The following GAS7 variants were observed in gnomAD, a reference collection of about 807,000 sequenced individuals.
GAS7 encodes the protein growth arrest-specific protein 7.
Under a neutral mutation model 71.1 loss-of-function variants are expected in GAS7, and 28 were observed. That is an observed-to-expected ratio of 0.39 (90% CI 0.29 to 0.54). The LOEUF is 0.54. GAS7 is among the 20% of genes least tolerant of loss of function. The probability of loss-of-function intolerance (pLI) is 0.62; values close to 1 mark genes in which losing one functional copy is unlikely to be tolerated. For synonymous variants in GAS7, 258 were observed against 245.8 expected (o/e 1.05, Z -0.46); for missense variants, 436 against 627.8 (o/e 0.69, Z 3.27).
At chr17:9,982,765 G>T (rs1597607927) in intron 2 of GAS7, among the ~76,000 whole-genome samples, 1 of 144,270 alleles carries the variant, frequency 6.9e-6, no homozygotes, top group Admixed American at 7.3e-5. Context: ...GACAGAATGA[G>T]ACTCTGCCTC....
rs995845909 is a variant in GAS7, at chr17:9,959,581, C to T, written c.472-326G>A. ...CGCTGCCCTCTGCTGGTGAACGTTC[C>T]GCGTGCCGCTTGCTGCCTGAAGCCG... On this transcript the variant is annotated intron_variant, in intron 4 of 13. Coordinates refer to ENST00000432992, the MANE Select transcript of GAS7 (RefSeq NM_201433.2). The surrounding 1 kb of genome is among the most constrained non-coding windows in gnomAD (Gnocchi z 5.0). 5 of 668,188 alleles carry T rather than the reference C, an allele frequency of 7.5e-6. No individual in the cohort carries two copies. The highest frequency in any genetic ancestry group is 8.6e-6 in the Non-Finnish European group (4 of 464,748). The allele number at this position is 668,188 out of a possible 1,614,324, so 41.4% of individuals were successfully genotyped here. A position where few individuals can be genotyped will look rare whatever the true frequency, so the allele number is the denominator to read the frequency against.
At chr17:10,079,774 A>G (rs1457833271) in intron 1 of GAS7, among the ~76,000 whole-genome samples, 1 of 152,210 alleles carries the variant, frequency 6.6e-6, no homozygotes, top group Non-Finnish European at 1.5e-5. Flanking sequence ...GGTCATGGTC[A>G]CTCATATTTA....
chr17:9,965,525 A>G (rs1284765764), intron 4 of GAS7, among the ~76,000 whole-genome samples: 1 of 152,106 alleles, frequency 6.6e-6, no homozygotes, highest in Admixed American at 6.5e-5. Context: ...CGTGGGGGAT[A>G]AGAGGAGGGA....
intron 1 of GAS7, among the ~76,000 whole-genome samples, chr17:10,125,371 G>T (rs968824229): frequency 4.6e-5 from 7 of 151,898 alleles, no homozygotes; most frequent in African/African-American, 1.7e-4. Flanking sequence ...CACAAAATTA[G>T]CTGGGTGTGA....
At chr17:9,940,039 C>G (rs1567798749) in intron 8 of GAS7, 87 bp downstream of exon 8, 4 of 834,802 alleles carry the variant, frequency 4.8e-6, no homozygotes, top group Non-Finnish European at 8.5e-6. Context: ...AAAGTGGGGC[C>G]ATGCCAGTGA....
chr17:10,047,235 A>G (rs1366538180), intron 1 of GAS7, among the ~76,000 whole-genome samples: 1 of 152,232 alleles, frequency 6.6e-6, no homozygotes, highest in Non-Finnish European at 1.5e-5. Context: ...CCCTGGCTGC[A>G]GGGCATTGAG....
In GAS7 at chr17:9,979,876, A is replaced by C. The variant is rs918666522; in HGVS notation, c.385+1928T>G. Among the ~76,000 whole-genome samples the C allele has an allele frequency of 5.9e-5, 9 of 151,632 alleles. No homozygotes were observed. In the South Asian group the frequency reaches 6.3e-4, roughly 11 times the overall value. On this transcript the variant is annotated intron_variant, in intron 3 of 13. Transcript: ENST00000432992. ...TTTGATTGTTTTAAAAAAAAAAAAA[A>C]ACACAAGAACAACATTGAAAGAGAA...
At chr17:10,058,340 C>G (rs1255135786) in intron 1 of GAS7, among the ~76,000 whole-genome samples, 1 of 152,084 alleles carries the variant, frequency 6.6e-6, no homozygotes, top group Non-Finnish European at 1.5e-5. Context: ...GTAGTCCAAG[C>G]TACTCAGGAG....
chr17:9,957,765 G>A (rs2069307271), intron 5 of GAS7, among the ~76,000 whole-genome samples: 1 of 151,996 alleles, frequency 6.6e-6, no homozygotes, highest in Non-Finnish European at 1.5e-5. Context: ...TAACAGGGAG[G>A]CTGCTGCTAC....
At chr17:10,168,797 A>C (rs1195117088) in intron 1 of GAS7, among the ~76,000 whole-genome samples, 17 of 143,932 alleles carry the variant, frequency 1.2e-4, no homozygotes, top group East Asian at 8.4e-4. Flanking sequence ...ATGGTGAAAC[A>C]CCATCTCTAC....
At chr17:10,183,703 G>A (rs188761559) in intron 1 of GAS7, among the ~76,000 whole-genome samples, 7 of 152,186 alleles carry the variant, frequency 4.6e-5, no homozygotes, top group East Asian at 1.9e-4. Flanking sequence ...TTAGCCGGGC[G>A]TGGTGGCGGG....
intron 8 of GAS7, among the ~76,000 whole-genome samples, chr17:9,939,099 C>T (rs1394366392): frequency 2.6e-5 from 4 of 152,186 alleles, no homozygotes; most frequent in Non-Finnish European, 4.4e-5. Context: ...CTGCTGTGTA[C>T]ATGTGTATAC....
chr17:10,171,605 T>C (rs1304576369), intron 1 of GAS7, among the ~76,000 whole-genome samples: 2 of 152,302 alleles, frequency 1.3e-5, no homozygotes, highest in East Asian at 3.9e-4. Context: ...TCCAAATGCA[T>C]AAGGATTCAT....
At chr17:10,178,494 G>C (rs1317250721) in intron 1 of GAS7, among the ~76,000 whole-genome samples, 2 of 151,992 alleles carry the variant, frequency 1.3e-5, no homozygotes, top group Non-Finnish European at 2.9e-5. Flanking sequence ...AACCCTATCA[G>C]GATCTGACAG....
intron 1 of GAS7, among the ~76,000 whole-genome samples, chr17:10,053,096 G>A (rs2073085057): frequency 6.6e-6 from 1 of 152,154 alleles, no homozygotes; most frequent in Non-Finnish European, 1.5e-5. Context: ...GCAGCAAGGT[G>A]GAGGAAGAGA....
intron 8 of GAS7, among the ~76,000 whole-genome samples, chr17:9,934,970 C>T (rs56994628): frequency 1.0e-3 from 156 of 152,232 alleles, no homozygotes; most frequent in African/African-American, 3.6e-3. Context: ...TCCTGACCAA[C>T]TGAGAGCAGC....
chr17:10,126,374 ACC>A (rs35161241), intron 1 of GAS7, among the ~76,000 whole-genome samples: 30,678 of 150,636 alleles, frequency 0.2, 3,909 homozygotes, highest in Admixed American at 0.3. Context: ...TTGCACACAC[ACC>A]CACACACTCA....
At chr17:10,020,811 G>A (rs2072237127) in intron 1 of GAS7, among the ~76,000 whole-genome samples, 1 of 152,188 alleles carries the variant, frequency 6.6e-6, no homozygotes, top group African/African-American at 2.4e-5. Context: ...TACTCGGGAG[G>A]CTGAGGCAAG....
chr17:10,002,210 T>C (rs889281647), intron 2 of GAS7, among the ~76,000 whole-genome samples: 4 of 152,290 alleles, frequency 2.6e-5, no homozygotes, highest in Admixed American at 6.5e-5. Flanking sequence ...CAGGGTTGGC[T>C]CCTTCCAAGA....
Sources: allele counts gnomAD v4.1 joint callset (sites outside exome capture counted in the v4.1 genomes callset), GRCh38; gene constraint gnomAD v4.1.1; non-coding constraint Gnocchi (gnomAD v3.1); transcripts MANE v1.5; gene names NCBI Gene and HGNC (gene_info 2026-07-23, HGNC 2026-07-21).